The following DCDC2B variants were observed in gnomAD, a reference collection of about 807,000 sequenced individuals.
DCDC2B encodes the protein doublecortin domain containing 2B.
A neutral mutation model predicts 38.9 loss-of-function variants in DCDC2B; 41 were observed. The ratio of observed to expected loss-of-function variants is 1.05; its 90% CI spans 0.82 to 1.37. The LOEUF (loss-of-function observed/expected upper bound fraction) is 1.37. Ranked by LOEUF, DCDC2B falls within the 40% of genes most tolerant of loss-of-function variation. The pLI is 0.00. For missense variants in DCDC2B, 453 were observed against 427.2 expected (o/e 1.06, Z -0.53); for synonymous variants, 181 against 171.9 (o/e 1.05, Z -0.41).
intron 5 of DCDC2B, 28 bp downstream of exon 5, chr1:32,212,664 C>T: frequency 1.9e-6 from 3 of 1,613,234 alleles, no homozygotes; most frequent in Non-Finnish European, 2.5e-6. Context: ...GGAGCGGTAA[C>T]AGGCCGGGCA....
At chr1:32,212,336 A>AG in intron 4 of DCDC2B, 135 bp downstream of exon 4, 1 of 1,527,792 alleles carries the variant, frequency 6.5e-7, no homozygotes. Context: ...CCACTGGGAG[A>AG]GGGCCCTCTG....
intron 7 of DCDC2B, chr1:32,215,190 A>G: frequency 1.7e-6 from 1 of 588,584 alleles, no homozygotes; most frequent in South Asian, 2.5e-5. Context: ...CCTTCTTCAC[A>G]GGGCCTCATC....
intron 6 of DCDC2B, among the ~76,000 whole-genome samples, chr1:32,213,838 T>G (rs1327990357): frequency 2.6e-5 from 4 of 151,320 alleles, no homozygotes; most frequent in Admixed American, 2.6e-4. Flanking sequence ...TAATTTTTAG[T>G]AGAGACAGGG....
chr1:32,211,427 G>GCT lies in DCDC2B; in HGVS notation c.318+104_318+105insCT. Reference sequence around the variant, plus strand: ...GCCAGGGAAGCAGCAGGATCTGCCAGTTCCAGGGGGGTACTTTGGAGCCAG... The same window carrying GCT: ...GCCAGGGAAGCAGCAGGATCTGCCAGCTTTCCAGGGGGGTACTTTGGAGCCAG... On this transcript the variant is annotated intron_variant, in intron 2 of 8. Coordinates refer to ENST00000409358, the MANE Select transcript of DCDC2B (RefSeq NM_001099434.2). 4.3e-6 allele frequency: 5 copies of GCT among 1,175,764 alleles called. No homozygotes were observed. In the South Asian group the frequency reaches 6.6e-5, roughly 15 times the overall value. The allele number at this position is 1,175,764 out of a possible 1,614,324, so 72.8% of individuals were successfully genotyped here. A position where few individuals can be genotyped will look rare whatever the true frequency, so the allele number is the denominator to read the frequency against.
At chr1:32,210,488 ACT>A (rs1327892537) in intron 1 of DCDC2B, among the ~76,000 whole-genome samples, 1 of 151,498 alleles carries the variant, frequency 6.6e-6, no homozygotes, top group African/African-American at 2.4e-5. Context: ...ACAGAGTGAG[ACT>A]CTGTCTCAAA....
chr1:32,215,858 G>T lies in DCDC2B; in HGVS notation c.1011G>T (p.Gly337=), dbSNP rs753216846. The change falls in exon 9 of 9, where the codon GGG becomes GGT. Residue 337 remains glycine (G), a synonymous_variant. Coordinates refer to ENST00000409358, the MANE Select transcript of DCDC2B (RefSeq NM_001099434.2). ...CCCTGGAAAACCAGCCTGGGGCTGGGGCTGCTATCTCAGCCTCAGCCCCAG... is the reference window on the plus strand; with the variant it reads ...CCCTGGAAAACCAGCCTGGGGCTGGTGCTGCTATCTCAGCCTCAGCCCCAG... ...ALSLENQPGA[G]AAISASAPAL... is the part of the protein sequence containing the mutation. The T allele has an allele frequency of 6.4e-7, 1 of 1,552,890 alleles. No homozygotes were observed. Among genetic ancestry groups the T allele is most frequent in the South Asian group, 1.2e-5 (1 of 84,110 alleles).
chr1:32,214,806 C>T lies in DCDC2B; in HGVS notation c.724C>T (p.His242Tyr). ...AGTGTCCCTTCTCTAGGCCCAAGGC[C>T]ACAGGGCCCAGGTAACCCAGCCCTC... ...SRPHRQGAQG[H>Y]RAQVTQPSPK... The change falls in exon 7 of 9, where the codon CAC (histidine) becomes TAC (tyrosine). Residue 242 changes from histidine (H) to tyrosine (Y), a missense_variant. By Grantham distance (83) the His-to-Tyr change is moderately conservative. Transcript: ENST00000409358. The T allele has an allele frequency of 6.2e-7, 1 of 1,613,956 alleles. No individual in the cohort carries two copies. The highest frequency in any genetic ancestry group is 1.7e-5 in the Admixed American group (1 of 60,010).
intron 7 of DCDC2B, 160 bp downstream of exon 7, chr1:32,215,092 G>A: frequency 1.9e-6 from 2 of 1,059,118 alleles, no homozygotes; most frequent in Non-Finnish European, 2.6e-6. Flanking sequence ...AACCTACTGT[G>A]GCTCAGGAGA....
At chr1:32,212,913 C>CA (rs1315551349) in intron 6 of DCDC2B, 120 bp downstream of exon 6, 1 of 1,236,082 alleles carries the variant, frequency 8.1e-7, no homozygotes, top group Non-Finnish European at 1.1e-6. Context: ...TTCTTTGAGA[C>CA]AGAGTCTTGC....
Position 32,211,274 on chromosome 1 carries a change from A to C in DCDC2B, c.269A>C (p.Tyr90Ser). 2 of 1,613,756 alleles carry C rather than the reference A, an allele frequency of 1.2e-6. No homozygotes were observed. Among genetic ancestry groups the C allele is most frequent in the Non-Finnish European group, 1.7e-6 (2 of 1,179,800 alleles). ...AGFERFHKLH[Y>S]LPHRGKDPGG... ...CTGTGATCTATCTGTCCTTTCAGCT[A>C]TTTACCCCATAGAGGGAAGGACCCA... The change falls in exon 2 of 9, where the codon TAT (tyrosine) becomes TCT (serine). Residue 90 changes from tyrosine (Y) to serine (S), a missense_variant and splice_region_variant. Tyr to Ser is a moderately radical substitution (Grantham distance 144). Transcript: ENST00000409358.
In DCDC2B at chr1:32,211,181, G is replaced by A. The variant is rs753175032; in HGVS notation, c.267-91G>A. 27 of 1,180,384 alleles carry A rather than the reference G, an allele frequency of 2.3e-5. 1 individual carries two copies. The highest frequency in any genetic ancestry group is 3.0e-5 in the African/African-American group (2 of 66,210). The allele number at this position is 1,180,384 out of a possible 1,614,324, so 73.1% of individuals were successfully genotyped here. ...ACTATTCCATGGGGAGGGATATCTGGTGAGCTGCGCCCCAACCCAACACTG... is the reference window on the plus strand; with the variant it reads ...ACTATTCCATGGGGAGGGATATCTGATGAGCTGCGCCCCAACCCAACACTG... On this transcript the variant is annotated intron_variant, in intron 1 of 8. Transcript: ENST00000409358.
intron 6 of DCDC2B, 72 bp downstream of exon 6, chr1:32,212,865 C>T: frequency 1.3e-6 from 2 of 1,528,006 alleles, no homozygotes; most frequent in Non-Finnish European, 9.0e-7. Context: ...CTGGCACAGG[C>T]TCTGACCTTA....
intron 1 of DCDC2B, among the ~76,000 whole-genome samples, chr1:32,209,775 CAGG>C (rs1310089136): frequency 6.6e-6 from 1 of 152,180 alleles, no homozygotes; most frequent in Non-Finnish European, 1.5e-5. Context: ...TCCTCTGTTG[CAGG>C]AGGAGACTGT....
At chr1:32,209,414 G>T in intron 1 of DCDC2B, 55 bp downstream of exon 1, 1 of 1,591,834 alleles carries the variant, frequency 6.3e-7, no homozygotes, top group Non-Finnish European at 8.6e-7. Flanking sequence ...CGGCAAGAGC[G>T]TGTATTCAGT....
Position 32,212,014 on chromosome 1 carries a change from CCCTCA to C in DCDC2B, c.396-54_396-50del, listed in dbSNP as rs991176897. 7.6e-5 allele frequency: 120 copies of C among 1,586,384 alleles called. 1 individual carries two copies. Among genetic ancestry groups the C allele is most frequent in the Non-Finnish European group, 6.3e-5 (73 of 1,162,254 alleles). ...TATTGCTGGCCCTGTGCCACCCTTCCCCTCACATGTAGGGACTCCTGGGGACACTC... is the reference window on the plus strand; with the variant it reads ...TATTGCTGGCCCTGTGCCACCCTTCCCATGTAGGGACTCCTGGGGACACTC... On this transcript the variant is annotated intron_variant, in intron 3 of 8. Coordinates refer to ENST00000409358, the MANE Select transcript of DCDC2B (RefSeq NM_001099434.2).
Position 32,211,765 on chromosome 1 carries a change from C to T in DCDC2B, c.323C>T (p.Pro108Leu), listed in dbSNP as rs1239575435. The change falls in exon 3 of 9, where the codon CCT becomes CTT. Residue 108 changes from proline (P) to leucine (L), a missense_variant. By Grantham distance (98) the Pro-to-Leu change is moderately conservative. Coordinates refer to ENST00000409358, the MANE Select transcript of DCDC2B (RefSeq NM_001099434.2). ...PGGKSCRLQG[P>L]PVTRHLCDGA... ...GAGGCCTGACATGGGTTTCAGGGTC[C>T]TCCCGTGACTCGCCACTTGTGTGAT... The T allele has an allele frequency of 1.2e-6, 2 of 1,606,800 alleles. No homozygotes were observed. Among genetic ancestry groups the T allele is most frequent in the Non-Finnish European group, 1.7e-6 (2 of 1,176,908 alleles).
At chr1:32,214,992 G>A in intron 7 of DCDC2B, 60 bp downstream of exon 7, 1 of 1,601,034 alleles carries the variant, frequency 6.2e-7, no homozygotes, top group South Asian at 1.1e-5. Flanking sequence ...ACATAGGTTG[G>A]TCCCTGCTGT....
At chr1:32,213,129 C>T (rs1228199749) in intron 6 of DCDC2B, among the ~76,000 whole-genome samples, 1 of 152,146 alleles carries the variant, frequency 6.6e-6, no homozygotes, top group Non-Finnish European at 1.5e-5. Flanking sequence ...AACTCCTGAC[C>T]TTGTGATCTG....
chr1:32,210,497 CAAAAAGAAAAAAAAAGAGAA>C (rs919563845), intron 1 of DCDC2B, among the ~76,000 whole-genome samples: 1 of 138,132 alleles, frequency 7.2e-6, no homozygotes, highest in African/African-American at 2.7e-5. Flanking sequence ...GACTCTGTCT[CAAAAAGAAAAAAAAAGAGAA>C]AAAAAGAAAA....
Sources: allele counts gnomAD v4.1 joint callset (sites outside exome capture counted in the v4.1 genomes callset), GRCh38; gene constraint gnomAD v4.1.1; transcripts MANE v1.5; gene names NCBI Gene and HGNC (gene_info 2026-07-23, HGNC 2026-07-21).